The following ESRRB variants were observed in gnomAD, a reference collection of about 807,000 sequenced individuals.
ESRRB encodes steroid hormone receptor ERR2.
Under a neutral mutation model 46.0 loss-of-function variants are expected in ESRRB, and 16 were observed. The ratio of observed to expected loss-of-function variants is 0.35; its 90% CI spans 0.24 to 0.53. The LOEUF is 0.53. Among genes scored for constraint, ESRRB ranks in the 20% least tolerant of loss-of-function variants. The pLI is 0.93. For missense variants in ESRRB, 488 were observed against 607.4 expected (o/e 0.80, Z 2.07); for synonymous variants, 246 against 259.6 (o/e 0.95, Z 0.50).
chr14:76,319,575 C>T (rs542999117), intron 1 of ESRRB, among the ~76,000 whole-genome samples: 2 of 152,202 alleles, frequency 1.3e-5, no homozygotes, highest in Non-Finnish European at 2.9e-5. Flanking sequence ...AGAACACACT[C>T]ATGTAATGAC....
At chr14:76,327,657 C>T (rs942052809) in intron 1 of ESRRB, among the ~76,000 whole-genome samples, 1 of 151,982 alleles carries the variant, frequency 6.6e-6, no homozygotes, top group Non-Finnish European at 1.5e-5. Context: ...TGTTGAATGG[C>T]GGCACTGGAA....
chr14:76,467,797 G>A (rs551939031), intron 3 of ESRRB, among the ~76,000 whole-genome samples: 4 of 152,152 alleles, frequency 2.6e-5, no homozygotes, highest in South Asian at 4.1e-4. Flanking sequence ...GGGGCTCCCC[G>A]AGGCCTCAGT....
intron 2 of ESRRB, among the ~76,000 whole-genome samples, chr14:76,448,515 T>TC: frequency 6.6e-6 from 1 of 150,504 alleles, no homozygotes; most frequent in South Asian, 2.1e-4. Flanking sequence ...TTTTTTTTTT[T>TC]AGTAGAGACG....
intron 1 of ESRRB, among the ~76,000 whole-genome samples, chr14:76,323,967 G>A (rs1333455357): frequency 1.3e-5 from 2 of 152,076 alleles, no homozygotes; most frequent in Non-Finnish European, 2.9e-5. Flanking sequence ...GTTTGGCATT[G>A]CCTTGTTCTT....
chr14:76,371,676 C>G (rs754129863), upstream of ESRRB: 14 of 152,202 alleles, frequency 9.2e-5, no homozygotes, highest in Non-Finnish European at 1.5e-4. Flanking sequence ...GGGTGAGGGA[C>G]AGGGATGGCA....
At chr14:76,459,680 GCTTACAT>G (rs1888771624) in intron 2 of ESRRB, among the ~76,000 whole-genome samples, 2 of 152,104 alleles carry the variant, frequency 1.3e-5, no homozygotes, top group South Asian at 4.2e-4. Flanking sequence ...ATTTTACCGG[GCTTACAT>G]GAATATTGAA....
At chr14:76,397,265 G>T (rs1025857388) in intron 1 of ESRRB, among the ~76,000 whole-genome samples, 1 of 152,204 alleles carries the variant, frequency 6.6e-6, no homozygotes, top group Admixed American at 6.5e-5. Context: ...TCTTACAGAT[G>T]CCTCAGGAGG....
chr14:76,471,907 C>A (rs1254273713), intron 3 of ESRRB, among the ~76,000 whole-genome samples: 1 of 152,170 alleles, frequency 6.6e-6, no homozygotes, highest in Non-Finnish European at 1.5e-5. Flanking sequence ...CTGGGATCAG[C>A]AGGTAAGAGT....
intron 2 of ESRRB, among the ~76,000 whole-genome samples, chr14:76,448,625 C>T (rs559955807): frequency 2.6e-5 from 4 of 151,998 alleles, no homozygotes; most frequent in South Asian, 4.2e-4. Context: ...CGTGAGCCAC[C>T]GCGCCCAGCC....
intron 1 of ESRRB, among the ~76,000 whole-genome samples, chr14:76,339,646 G>C (rs865910448): frequency 2.0e-5 from 3 of 152,178 alleles, no homozygotes. Flanking sequence ...GACAGAGAAA[G>C]CAGCCTGGGT....
chr14:76,486,569 T>TCC (rs1010002201), intron 5 of ESRRB, among the ~76,000 whole-genome samples: 1 of 148,638 alleles, frequency 6.7e-6, no homozygotes, highest in Admixed American at 6.8e-5. Context: ...TTTTTTTTTT[T>TCC]CCCCCTTCAA....
intron 1 of ESRRB, among the ~76,000 whole-genome samples, chr14:76,412,086 T>C (rs558840947): frequency 6.6e-6 from 1 of 152,342 alleles, no homozygotes; most frequent in East Asian, 1.9e-4. Context: ...TCCATTTGTA[T>C]TCCCACTCAC....
intron 1 of ESRRB, among the ~76,000 whole-genome samples, chr14:76,420,886 G>A (rs1219692593): frequency 6.6e-6 from 1 of 152,048 alleles, no homozygotes; most frequent in Non-Finnish European, 1.5e-5. Context: ...GGATGACATG[G>A]CCCTGCTGAT....
At chr14:76,421,880 T>C (rs1886970940) in intron 1 of ESRRB, among the ~76,000 whole-genome samples, 1 of 152,226 alleles carries the variant, frequency 6.6e-6, no homozygotes, top group African/African-American at 2.4e-5. Flanking sequence ...GGGGTGGCTC[T>C]ACCTCTTCAG....
At chr14:76,405,166 T>C (rs1037507675) in intron 1 of ESRRB, among the ~76,000 whole-genome samples, 1 of 152,112 alleles carries the variant, frequency 6.6e-6, no homozygotes. Flanking sequence ...AGTGGCGTGA[T>C]CAGAGCTCAC....
intron 1 of ESRRB, among the ~76,000 whole-genome samples, chr14:76,365,095 A>G (rs984564985): frequency 6.6e-6 from 1 of 152,204 alleles, no homozygotes; most frequent in Non-Finnish European, 1.5e-5. Flanking sequence ...GATTTGTTTC[A>G]TTGTTCTCAA....
At chr14:76,468,880 T>C (rs1889239639) in intron 3 of ESRRB, among the ~76,000 whole-genome samples, 1 of 152,162 alleles carries the variant, frequency 6.6e-6, no homozygotes. Flanking sequence ...CCTACTCTTG[T>C]AATCTTGCTT....
chr14:76,356,309 T>A lies in ESRRB; in HGVS notation c.2+45393T>A, dbSNP rs538214170. Among the ~76,000 whole-genome samples, 19 of 152,330 alleles carry A rather than the reference T, an allele frequency of 1.2e-4. No homozygotes were observed. In the East Asian group the frequency reaches 3.5e-3, roughly 28 times the overall value. On this transcript the variant is annotated intron_variant, in intron 1 of 6. Transcript: ENST00000512784. ...CATTGTGGTGCAGGGAGGAGCAGGT[T>A]TATGGGATGTGCTTGTCTAAGTGTT...
intron 1 of ESRRB, among the ~76,000 whole-genome samples, chr14:76,313,769 T>C (rs1260291425): frequency 6.6e-6 from 1 of 152,208 alleles, no homozygotes; most frequent in African/African-American, 2.4e-5. Flanking sequence ...CTTATCTCTA[T>C]TTTTACATTT....
Sources: allele counts gnomAD v4.1 joint callset (sites outside exome capture counted in the v4.1 genomes callset), GRCh38; gene constraint gnomAD v4.1.1; transcripts MANE v1.5; gene names NCBI Gene and HGNC (gene_info 2026-07-23, HGNC 2026-07-21).